RNF212: variants seen among roughly 807,000 people sequenced by gnomAD.
RNF212 encodes the protein ring finger protein 212.
RNF212 carries 33 observed loss-of-function variants against 34.7 expected under a neutral mutation model. That is an observed-to-expected ratio of 0.95 (90% confidence interval 0.72 to 1.27). The LOEUF (loss-of-function observed/expected upper bound fraction) is 1.27, where lower values mean the gene tolerates loss of function less well. RNF212 is among the 50% of genes most tolerant of loss of function. The pLI, the probability that RNF212 is intolerant of heterozygous loss-of-function variation, is 0.00. For synonymous variants in RNF212, 140 were observed against 136.1 expected, an observed-to-expected ratio of 1.03 and a Z score of -0.20; for missense variants, 377 against 362.2, an observed-to-expected ratio of 1.04 and a Z score of -0.33.
chr4:1,094,126 G>T, intron 3 of RNF212: 2 of 1,280,258 alleles, frequency 1.6e-6, no homozygotes, highest in Non-Finnish European at 2.1e-6. Flanking sequence ...AGAGTGCCAT[G>T]CAGGGGTCCA....
chr4:1,094,145 C>T (rs988788835), intron 3 of RNF212: 4 of 1,193,524 alleles, frequency 3.4e-6, no homozygotes, highest in African/African-American at 3.2e-5. Flanking sequence ...CATCCTCAGT[C>T]TCCTGCCTCA....
intron 5 of RNF212, among the ~76,000 whole-genome samples, chr4:1,083,120 G>A (rs1463894151): frequency 6.6e-6 from 1 of 152,164 alleles, no homozygotes; most frequent in Non-Finnish European, 1.5e-5. Flanking sequence ...GAGTGGGATT[G>A]GCCTGTGCAA....
downstream of RNF212, among the ~76,000 whole-genome samples, chr4:1,068,606 AAAT>A (rs1426473460): frequency 6.6e-6 from 1 of 152,222 alleles, no homozygotes; most frequent in Non-Finnish European, 1.5e-5. Flanking sequence ...TGAGAAGATA[AAAT>A]AATGAACAAC....
At chr4:1,092,981 C>T (rs1321406538) in intron 3 of RNF212, among the ~76,000 whole-genome samples, 3 of 147,014 alleles carry the variant, frequency 2.0e-5, no homozygotes, top group East Asian at 4.0e-4. Flanking sequence ...CTCCAAACTA[C>T]GCCAGGACCA....
chr4:1,066,077 T>C (rs1179511811), intron 3 of RNF212, among the ~76,000 whole-genome samples: 36 of 150,350 alleles, frequency 2.4e-4, no homozygotes, highest in South Asian at 8.4e-4. Context: ...CCTAATGAGA[T>C]ACTATCTTGC....
chr4:1,092,429 G>T (rs1722334214), intron 3 of RNF212, among the ~76,000 whole-genome samples: 1 of 152,146 alleles, frequency 6.6e-6, no homozygotes, highest in South Asian at 2.1e-4. Context: ...TCTGGGTGTT[G>T]CAGGGTCTAC....
chr4:1,076,894 T>C (rs1403837363), intron 8 of RNF212, among the ~76,000 whole-genome samples: 2 of 152,162 alleles, frequency 1.3e-5, no homozygotes, highest in East Asian at 1.9e-4. Context: ...CAGAGTTGAG[T>C]AGCTGTGGAC....
intron 8 of RNF212, among the ~76,000 whole-genome samples, chr4:1,076,587 G>C (rs1719345665): frequency 6.6e-6 from 1 of 152,206 alleles, no homozygotes. Context: ...CAGAACCTCT[G>C]CTCAGGCTGA....
chr4:1,073,535 C>A lies in RNF212; in HGVS notation c.574+64G>T, dbSNP rs752543934. The A allele has an allele frequency of 4.9e-6, 6 of 1,225,322 alleles. No individual in the cohort carries two copies. The South Asian group carries it at 6.0e-5, about 12-fold the overall frequency. The allele number at this position is 1,225,322 out of a possible 1,614,324, so 75.9% of individuals were successfully genotyped here. A position where few individuals can be genotyped will look rare whatever the true frequency, so the allele number is the denominator to read the frequency against. On this transcript the variant is annotated intron_variant, in intron 9 of 9. Transcript: ENST00000433731. ...TCTGACAGCTTTGATTAAACATGAC[C>A]TTTCAGGGAATGCATTTTAATCGAT...
At chr4:1,064,656 C>G (rs1460270350) in intron 3 of RNF212, among the ~76,000 whole-genome samples, 1 of 152,176 alleles carries the variant, frequency 6.6e-6, no homozygotes, top group Admixed American at 6.5e-5. Flanking sequence ...TATGATGATA[C>G]AGTTTCCTAC....
At chr4:1,107,910 CCAATAA>C (rs1260771514) in intron 2 of RNF212, among the ~76,000 whole-genome samples, 1 of 152,184 alleles carries the variant, frequency 6.6e-6, no homozygotes, top group African/African-American at 2.4e-5. Context: ...TTTGTTTATA[CCAATAA>C]CAAGTTAAAC....
chr4:1,104,067 C>A (rs564883720), intron 2 of RNF212, among the ~76,000 whole-genome samples: 1 of 152,346 alleles, frequency 6.6e-6, no homozygotes, highest in East Asian at 1.9e-4. Flanking sequence ...TTTTTATATA[C>A]TAGCAATAAG....
rs897890203 is a variant in RNF212, at chr4:1,113,519, T to C, written c.-55A>G. On this transcript the variant is annotated 5_prime_UTR_variant, in exon 1 of 10. Transcript: ENST00000433731. Reference sequence around the variant, plus strand: ...GGGCCCACGCGAAGCCCACGCAAGGTTGGGACCAGCCTCCCCGCGCAGGGC... The same window carrying C: ...GGGCCCACGCGAAGCCCACGCAAGGCTGGGACCAGCCTCCCCGCGCAGGGC... 5.4e-6 allele frequency: 8 copies of C among 1,470,458 alleles called. No homozygotes were observed. The highest frequency in any genetic ancestry group is 7.5e-6 in the Non-Finnish European group (8 of 1,068,420). The allele number at this position is 1,470,458 out of a possible 1,614,324, so 91.1% of individuals were successfully genotyped here. A position where few individuals can be genotyped will look rare whatever the true frequency, so the allele number is the denominator to read the frequency against.
downstream of RNF212, among the ~76,000 whole-genome samples, chr4:1,070,509 G>C (rs1274101428): frequency 1.1e-5 from 1 of 88,236 alleles, no homozygotes; most frequent in Non-Finnish European, 3.2e-5. Context: ...AGTTGTGGGT[G>C]GTTTTGTAGG....
chr4:1,071,232 G>C (rs1172828916), downstream of RNF212, among the ~76,000 whole-genome samples: 2 of 146,256 alleles, frequency 1.4e-5, no homozygotes, highest in Non-Finnish European at 3.0e-5. Flanking sequence ...TTTTTTCTGT[G>C]CTTGAAATAT....
Position 1,094,079 on chromosome 4 carries a change from T to G in RNF212, c.246+2686A>C. On this transcript the variant is annotated intron_variant, in intron 3 of 9. Transcript: ENST00000433731. Reference sequence around the variant, plus strand: ...CCAGAGGAGGACAGTCTTGGGGACCTGGCTGACCACAGCCTGAAGGCACAA... The same window carrying G: ...CCAGAGGAGGACAGTCTTGGGGACCGGGCTGACCACAGCCTGAAGGCACAA... 2.2e-6 allele frequency: 3 copies of G among 1,376,766 alleles called. No homozygotes were observed. The South Asian group carries it at 4.4e-5, about 20-fold the overall frequency. 85.3% of individuals were successfully genotyped at this position (1,376,766 alleles called of 1,614,324 possible).
intron 2 of RNF212, among the ~76,000 whole-genome samples, chr4:1,098,931 C>G (rs377558515): frequency 7.2e-5 from 11 of 152,156 alleles, no homozygotes; most frequent in African/African-American, 2.7e-4. Flanking sequence ...ATGGGAGCAA[C>G]TGAAGAAGCT....
downstream of RNF212, among the ~76,000 whole-genome samples, chr4:1,067,899 T>TGTAAGTCTATCAAGAAA (rs2153034226): frequency 1.4e-5 from 2 of 147,290 alleles, no homozygotes; most frequent in East Asian, 3.9e-4. Flanking sequence ...ATACCTAAAG[T>TGTAAGTCTATCAAGAAA]GTAAGTCTAT....
At chr4:1,078,501 C>T (rs1719707343) in intron 8 of RNF212, among the ~76,000 whole-genome samples, 1 of 152,228 alleles carries the variant, frequency 6.6e-6, no homozygotes, top group African/African-American at 2.4e-5. Flanking sequence ...TCTGGTCTTG[C>T]TTCTCTCCAG....
Sources: gnomAD v4.1 joint callset for allele counts (sites outside exome capture counted in the v4.1 genomes callset) on GRCh38, gnomAD v4.1.1 for gene constraint, MANE v1.5 for transcripts, NCBI Gene and HGNC (gene_info 2026-07-23, HGNC 2026-07-21) for gene names.